Variants in PACS2 observed in about 807,000 individuals in gnomAD.
PACS2 encodes PACS1-like protein.
A neutral mutation model predicts 113.0 loss-of-function variants in PACS2; 36 were observed. That is an observed-to-expected ratio of 0.32 (90% CI 0.24 to 0.42). The LOEUF (loss-of-function observed/expected upper bound fraction) is 0.42. Ranked by LOEUF, PACS2 falls within the 10% of genes least tolerant of loss-of-function variation. The pLI, the probability that PACS2 is intolerant of heterozygous loss-of-function variation, is 1.00. For missense variants in PACS2, 1,015 were observed against 1,239.5 expected, an observed-to-expected ratio of 0.82 and a Z score of 2.72; for synonymous variants, 589 against 536.1, an observed-to-expected ratio of 1.10 and a Z score of -1.36.
Position 105,339,939 on chromosome 14 carries a change from C to T in PACS2, c.120-8554C>T, listed in dbSNP as rs71423847. Among the ~76,000 whole-genome samples, 348 of 152,252 alleles carry T rather than the reference C, an allele frequency of 2.3e-3. 1 individual carries two copies. The highest frequency in any genetic ancestry group is 4.0e-3 in the Non-Finnish European group (269 of 68,016). On this transcript the variant is annotated intron_variant, in intron 1 of 24. Transcript: ENST00000447393. ...GATTACAGGCATGAGCCACCACATC[C>T]GGCCAATTTTTGTATTTTTTGTAGA...
chr14:105,363,472 A>G (rs1025579323), intron 4 of PACS2, among the ~76,000 whole-genome samples: 1 of 152,152 alleles, frequency 6.6e-6, no homozygotes, highest in African/African-American at 2.4e-5. Flanking sequence ...GCTTTACTAA[A>G]ACCTCATGAA....
At chr14:105,347,512 C>G (rs2059986541) in intron 1 of PACS2, among the ~76,000 whole-genome samples, 1 of 152,202 alleles carries the variant, frequency 6.6e-6, no homozygotes, top group Admixed American at 6.5e-5. Context: ...CAAGCACCAG[C>G]CCAGGAGGTG....
chr14:105,386,576 GCC>G (rs1310509669), intron 19 of PACS2, among the ~76,000 whole-genome samples: 1 of 152,114 alleles, frequency 6.6e-6, no homozygotes, highest in Non-Finnish European at 1.5e-5. Flanking sequence ...CAGGGTGGGG[GCC>G]CCTGCTGGTC....
rs587743040 is a variant in PACS2, at chr14:105,330,575, C to A, written c.119+15538C>A. 9.2e-5 allele frequency among the ~76,000 whole-genome samples: 14 copies of A among 152,350 alleles called. No homozygotes were observed. Among genetic ancestry groups the A allele is most frequent in the African/African-American group, 3.4e-4 (14 of 41,592 alleles). ...GGGTGTGTGGCCGCTCTCTGGACCC[C>A]CGGTCCCAGGGTGGCAGCTAGTGCA... On this transcript the variant is annotated intron_variant, in intron 1 of 24. Coordinates refer to ENST00000447393, the MANE Select transcript of PACS2 (RefSeq NM_001100913.3). This position sits in a 1 kb window ranked among gnomAD's most constrained non-coding sequence, Gnocchi z 6.9.
chr14:105,388,761 T>C (rs1555414174), intron 19 of PACS2: 1 of 152,278 alleles, frequency 6.6e-6, no homozygotes, highest in Admixed American at 6.5e-5. Context: ...CTCTGCAGTT[T>C]GGGGAAATGA....
rs587676918 is a variant in PACS2, at chr14:105,385,806, G to T, written c.2033+89G>T. 2.9e-4 allele frequency: 218 copies of T among 764,022 alleles called. 1 individual carries two copies. Among genetic ancestry groups the T allele is most frequent in the Non-Finnish European group, 1.2e-5 (6 of 515,204 alleles). The allele number at this position is 764,022 out of a possible 1,614,324, so 47.3% of individuals were successfully genotyped here. A position where few individuals can be genotyped will look rare whatever the true frequency, so the allele number is the denominator to read the frequency against. ...GGCAGAGTCACGTAGGAATCACCCC[G>T]CTGTCCTCTCTCCGGACTGGGAGTC... On this transcript the variant is annotated intron_variant, in intron 19 of 24. Transcript: ENST00000447393.
Position 105,323,735 on chromosome 14 carries a change from G to T in PACS2, c.119+8698G>T, listed in dbSNP as rs971338277. On this transcript the variant is annotated intron_variant, in intron 1 of 24. Coordinates refer to ENST00000447393, the MANE Select transcript of PACS2 (RefSeq NM_001100913.3). This position sits in a 1 kb window ranked among gnomAD's most constrained non-coding sequence, Gnocchi z 4.1. ...GCTTGGGACAGGGCTTTCGGAGGTG[G>T]TCTGCAGTGATCCAGGGAAGATGGG... Among the ~76,000 whole-genome samples the T allele has an allele frequency of 6.6e-6, 1 of 152,200 alleles. No homozygotes were observed. The highest frequency in any genetic ancestry group is 1.5e-5 in the Non-Finnish European group (1 of 68,034).
Position 105,315,059 on chromosome 14 carries a change from T to G in PACS2, c.119+22T>G. 8.7e-7 allele frequency: 1 copy of G among 1,146,262 alleles called. No individual in the cohort carries two copies. Among genetic ancestry groups the G allele is most frequent in the African/African-American group, 1.7e-5 (1 of 60,198 alleles). 71.0% of individuals were successfully genotyped at this position (1,146,262 alleles called of 1,614,324 possible). On this transcript the variant is annotated intron_variant, in intron 1 of 24. Coordinates refer to ENST00000447393, the MANE Select transcript of PACS2 (RefSeq NM_001100913.3). This position sits in a 1 kb window ranked among gnomAD's most constrained non-coding sequence, Gnocchi z 4.4. ...CCAGGTACGCGCCGCCCGCCGCGCT[T>G]TGTTCCCGCCGGGCACCTGCTGGGG...
chr14:105,334,751 A>G (rs760350117), intron 1 of PACS2, among the ~76,000 whole-genome samples: 1 of 152,260 alleles, frequency 6.6e-6, no homozygotes, highest in Non-Finnish European at 1.5e-5. Flanking sequence ...TCATGCTCAC[A>G]GGTGCACGTG....
At chr14:105,381,416 G>C (rs1244541961) in intron 12 of PACS2, among the ~76,000 whole-genome samples, 1 of 152,216 alleles carries the variant, frequency 6.6e-6, no homozygotes, top group African/African-American at 2.4e-5. Flanking sequence ...ACACCAGCTT[G>C]ATTCTTCCAG....
Position 105,369,905 on chromosome 14 carries a change from G to T in PACS2, c.801+5G>T. On this transcript the variant is annotated splice_donor_5th_base_variant and intron_variant, in intron 8 of 24. Coordinates refer to ENST00000447393, the MANE Select transcript of PACS2 (RefSeq NM_001100913.3). ...AGGTTCAAAGTGTCCGACGAGGTGA[G>T]TGCGCCGCGCCTTCTGCTCGCGGCC... 6.3e-7 allele frequency: 1 copy of T among 1,599,590 alleles called. No individual in the cohort carries two copies.
intron 16 of PACS2, 166 bp from the exon 17 acceptor site, chr14:105,384,187 C>A: frequency 1.7e-6 from 1 of 589,020 alleles, no homozygotes; most frequent in Non-Finnish European, 3.0e-6. Context: ...CAGGCATCCA[C>A]CAGGGAGGGG....
In PACS2 at chr14:105,366,551, CG is replaced by C. The variant is rs1215915122; in HGVS notation, c.424-658del. Among the ~76,000 whole-genome samples, 1 of 152,132 alleles carries C rather than the reference CG, an allele frequency of 6.6e-6. No individual in the cohort carries two copies. On this transcript the variant is annotated intron_variant, in intron 4 of 24. Transcript: ENST00000447393. The surrounding 1 kb of genome is among the most constrained non-coding windows in gnomAD (Gnocchi z 4.3). Reference sequence around the variant, plus strand: ...TACAGGTCGTGGCTGCAGGAGGGGCCGGGGCTTGTTCTGCAGCTCCGTGGTT... The same window carrying C: ...TACAGGTCGTGGCTGCAGGAGGGGCCGGGCTTGTTCTGCAGCTCCGTGGTT...
At chr14:105,387,157 C>T (rs2081203854) in intron 19 of PACS2, among the ~76,000 whole-genome samples, 1 of 152,214 alleles carries the variant, frequency 6.6e-6, no homozygotes, top group Admixed American at 6.5e-5. Context: ...AGTGTCTTAC[C>T]TGCTCTCTGT....
intron 22 of PACS2, chr14:105,392,150 C>G (rs1400358314): frequency 3.1e-6 from 1 of 323,916 alleles, no homozygotes; most frequent in Non-Finnish European, 5.7e-6. Context: ...CTAGCCCGCC[C>G]GGGTCTCTCC....
chr14:105,392,905 C>T (rs2081407179), intron 23 of PACS2, 60 bp downstream of exon 23: 4 of 1,348,268 alleles, frequency 3.0e-6, no homozygotes, highest in East Asian at 2.3e-5. Flanking sequence ...TGGGAGAGGG[C>T]GGCTCGCAGT....
upstream of PACS2, among the ~76,000 whole-genome samples, chr14:105,313,943 C>A (rs1243320147): frequency 6.6e-6 from 1 of 152,254 alleles, no homozygotes; most frequent in Non-Finnish European, 1.5e-5. Flanking sequence ...TCACTGTTAA[C>A]CCCAGGGCCA....
chr14:105,393,700 C>G (rs1196143669), intron 24 of PACS2, among the ~76,000 whole-genome samples: 1 of 151,910 alleles, frequency 6.6e-6, no homozygotes, highest in Non-Finnish European at 1.5e-5. Context: ...AGCGATTCTC[C>G]TGCCTGAGCC....
rs116565473 is a variant in PACS2, at chr14:105,354,713, G to A, written c.298-339G>A. 0.015 allele frequency among the ~76,000 whole-genome samples: 2,294 copies of A among 152,308 alleles called. 65 individuals are homozygous for A. Among genetic ancestry groups the A allele is most frequent in the African/African-American group, 0.053 (2,188 of 41,576 alleles). On this transcript the variant is annotated intron_variant, in intron 3 of 24. Transcript: ENST00000447393. The surrounding 1 kb of genome is among the most constrained non-coding windows in gnomAD (Gnocchi z 4.2). ...GCTGATTGCCTCAGGCACATGAGCC[G>A]CCACACTGTTTCCGAGTGTCCACAG... is the stretch of plus-strand genomic sequence containing the variant.
Sources: allele counts gnomAD v4.1 joint callset (sites outside exome capture counted in the v4.1 genomes callset), GRCh38; gene constraint gnomAD v4.1.1; non-coding constraint Gnocchi (gnomAD v3.1); transcripts MANE v1.5; gene names NCBI Gene and HGNC (gene_info 2026-07-23, HGNC 2026-07-21).